The following MECOM variants were observed in gnomAD, a reference collection of about 807,000 sequenced individuals.
The protein encoded by MECOM is histone-lysine N-methyltransferase MECOM.
A neutral mutation model predicts 116.3 loss-of-function variants in MECOM; 13 were observed. That is an observed-to-expected ratio of 0.11 (90% CI 0.07 to 0.18). The LOEUF (loss-of-function observed/expected upper bound fraction) is 0.18. MECOM is among the 10% of genes least tolerant of loss of function. The pLI is 1.00. For synonymous variants in MECOM, 528 were observed against 535.2 expected (o/e 0.99, Z 0.19); for missense variants, 1,299 against 1,509.0 (o/e 0.86, Z 2.31).
chr3:169,449,632 T>G (rs1745223442), intron 1 of MECOM, among the ~76,000 whole-genome samples: 1 of 152,196 alleles, frequency 6.6e-6, no homozygotes, highest in African/African-American at 2.4e-5. Flanking sequence ...TCCCTCAGCA[T>G]TATTTCTTGT....
intron 2 of MECOM, among the ~76,000 whole-genome samples, chr3:169,261,302 T>A (rs978931337): frequency 6.6e-6 from 1 of 152,206 alleles, no homozygotes; most frequent in Admixed American, 6.5e-5. Context: ...AGCACTATAT[T>A]TATTGACTAA....
chr3:169,105,239 A>G (rs558286644), intron 10 of MECOM, among the ~76,000 whole-genome samples: 1 of 152,242 alleles, frequency 6.6e-6, no homozygotes, highest in East Asian at 1.9e-4. Context: ...ATTAAGATAA[A>G]CAGAAGTGAC....
intron 2 of MECOM, among the ~76,000 whole-genome samples, chr3:169,277,749 C>A (rs1294285784): frequency 6.6e-6 from 1 of 152,196 alleles, no homozygotes; most frequent in Non-Finnish European, 1.5e-5. Flanking sequence ...ACTGTTCTCA[C>A]AATGGCTAAT....
At chr3:169,428,288 A>C (rs1221643250) in intron 1 of MECOM, among the ~76,000 whole-genome samples, 1 of 152,212 alleles carries the variant, frequency 6.6e-6, no homozygotes, top group African/African-American at 2.4e-5. Context: ...CATGGAAGAC[A>C]ATTTTTTCAT....
intron 1 of MECOM, among the ~76,000 whole-genome samples, chr3:169,568,886 C>T (rs1168970264): frequency 6.6e-6 from 1 of 152,162 alleles, no homozygotes; most frequent in African/African-American, 2.4e-5. Flanking sequence ...CACTGAAAAA[C>T]ATACCAAATT....
chr3:169,120,820 T>C lies in MECOM; in HGVS notation c.1132+236A>G, dbSNP rs1434033738. On this transcript the variant is annotated intron_variant, in intron 7 of 16. Coordinates refer to ENST00000651503, the MANE Select transcript of MECOM (RefSeq NM_004991.4). ...CCTTTGATTATCTAATGAATTTTCT[T>C]TTCTCTACCTGTTATTGATTTCTTC... is the stretch of plus-strand genomic sequence containing the variant. 8.6e-6 allele frequency: 3 copies of C among 346,850 alleles called. No homozygotes were observed. In the East Asian group the frequency reaches 1.3e-4, roughly 16 times the overall value. 21.5% of individuals were successfully genotyped at this position (346,850 alleles called of 1,614,324 possible). A position where few individuals can be genotyped will look rare whatever the true frequency, so the allele number is the denominator to read the frequency against.
At chr3:169,374,484 A>G (rs1430506651) in intron 2 of MECOM, among the ~76,000 whole-genome samples, 4 of 151,968 alleles carry the variant, frequency 2.6e-5, no homozygotes, top group African/African-American at 9.7e-5. Context: ...CTAGGAGAAT[A>G]CACCTTTGCA....
chr3:169,471,375 AAT>A (rs202137374), intron 1 of MECOM, among the ~76,000 whole-genome samples: 1,670 of 151,806 alleles, frequency 0.011, 10 homozygotes, highest in Middle Eastern at 0.041. Context: ...AAAAAAAAAA[AAT>A]TCCTGCTTTA....
chr3:169,327,331 T>A lies in MECOM; in HGVS notation c.375+53856A>T, dbSNP rs552473680. Among the ~76,000 whole-genome samples, 7 of 152,072 alleles carry A rather than the reference T, an allele frequency of 4.6e-5. No individual in the cohort carries two copies. In the South Asian group the frequency reaches 1.5e-3, roughly 32 times the overall value. On this transcript the variant is annotated intron_variant, in intron 2 of 16. Transcript: ENST00000651503. ...AATGGATGATATTTTCTTACAGAAG[T>A]TAAAAAATAAAAATTAAAAATTAGC... is the stretch of plus-strand genomic sequence containing the variant.
intron 2 of MECOM, among the ~76,000 whole-genome samples, chr3:169,378,433 GAA>G (rs1560196361): frequency 7.6e-5 from 6 of 78,676 alleles, no homozygotes; most frequent in African/African-American, 4.3e-4. Context: ...AAGAAAGAAA[GAA>G]AGAAAGAAAG....
chr3:169,430,367 G>A lies in MECOM; in HGVS notation c.38-48843C>T, dbSNP rs902098491. 1.1e-4 allele frequency among the ~76,000 whole-genome samples: 17 copies of A among 152,032 alleles called. 1 individual carries two copies. On this transcript the variant is annotated intron_variant, in intron 1 of 16. Transcript: ENST00000651503. Reference sequence around the variant, plus strand: ...TAGATGATTTGAATTATACTGGACTGGATGACATAGTACTACATTAATAAA... The same window carrying A: ...TAGATGATTTGAATTATACTGGACTAGATGACATAGTACTACATTAATAAA...
chr3:169,500,122 A>T (rs1560360682), intron 1 of MECOM, among the ~76,000 whole-genome samples: 1 of 152,202 alleles, frequency 6.6e-6, no homozygotes, highest in East Asian at 1.9e-4. Context: ...AAGGTTTAAA[A>T]TAACTGAATA....
At chr3:169,197,837 T>C (rs545237607) in intron 2 of MECOM, among the ~76,000 whole-genome samples, 1 of 152,158 alleles carries the variant, frequency 6.6e-6, no homozygotes, top group Admixed American at 6.6e-5. Context: ...AGACTTTGCC[T>C]TCTCCCCTCA....
chr3:169,131,662 T>C lies in MECOM; in HGVS notation c.511-131A>G, dbSNP rs148017220. ...AACATCTTTTTCTTTTTCTTTTTTA[T>C]CAAAAGAAGTGTGATTTCCTGTTTT... On this transcript the variant is annotated intron_variant, in intron 3 of 16. Coordinates refer to ENST00000651503, the MANE Select transcript of MECOM (RefSeq NM_004991.4). 2.8e-4 allele frequency: 207 copies of C among 729,258 alleles called. No individual in the cohort carries two copies. The African/African-American group carries it at 3.3e-3, about 12-fold the overall frequency. 45.2% of individuals were successfully genotyped at this position (729,258 alleles called of 1,614,324 possible). A position where few individuals can be genotyped will look rare whatever the true frequency, so the allele number is the denominator to read the frequency against.
chr3:169,354,125 TC>T (rs1362902071), intron 2 of MECOM, among the ~76,000 whole-genome samples: 1 of 151,790 alleles, frequency 6.6e-6, no homozygotes, highest in Non-Finnish European at 1.5e-5. Flanking sequence ...GGAATTAATC[TC>T]AATGTAAATC....
In MECOM at chr3:169,322,997, TAA is replaced by T. The variant is rs748984561; in HGVS notation, c.375+58188_375+58189del. 6.2e-3 allele frequency among the ~76,000 whole-genome samples: 348 copies of T among 55,952 alleles called. 4 individuals are homozygous for T. The highest frequency in any genetic ancestry group is 0.062 in the East Asian group (125 of 2,012). The allele number at this position is 55,952 out of a possible 152,430, so 36.7% of individuals were successfully genotyped here. A position where few individuals can be genotyped will look rare whatever the true frequency, so the allele number is the denominator to read the frequency against. On this transcript the variant is annotated intron_variant, in intron 2 of 16. Coordinates refer to ENST00000651503, the MANE Select transcript of MECOM (RefSeq NM_004991.4). ...CCTGCATGACAGAGCAAGACTCCGG[TAA>T]AAAAAAAAAAAAAAAAAAAAAAAAA...
Position 169,084,973 on chromosome 3 carries a change from A to G in MECOM, c.3656T>C (p.Val1219Ala). Residue 1219 changes from valine to alanine, a missense_variant, in exon 17 of 17, where the codon GTG becomes GCG. Coordinates refer to ENST00000651503, the MANE Select transcript of MECOM (RefSeq NM_004991.4). ...LHSTSHSSSNVWHSMARAAAE... is the reference protein window; with the variant it reads ...LHSTSHSSSNAWHSMARAAAE... ...CGCAGCCCTGGCCATACTGTGCCAC[A>G]CGTTGGAAGAACTGTGGGATGTAGA... 6.2e-7 allele frequency: 1 copy of G among 1,614,200 alleles called. No individual in the cohort carries two copies.
At chr3:169,565,011 C>T (rs142319954) in intron 1 of MECOM, among the ~76,000 whole-genome samples, 6 of 152,286 alleles carry the variant, frequency 3.9e-5, no homozygotes, top group South Asian at 2.1e-4. Context: ...ATCTTTTATG[C>T]GCCTCTCATT....
At chr3:169,265,652 A>G (rs1285788685) in intron 2 of MECOM, among the ~76,000 whole-genome samples, 1 of 152,204 alleles carries the variant, frequency 6.6e-6, no homozygotes, top group Admixed American at 6.5e-5. Flanking sequence ...AGCACAATGG[A>G]ACACTAAAAG....
Sources: gnomAD v4.1 joint callset for allele counts (sites outside exome capture counted in the v4.1 genomes callset) on GRCh38, gnomAD v4.1.1 for gene constraint, MANE v1.5 for transcripts, NCBI Gene and HGNC (gene_info 2026-07-23, HGNC 2026-07-21) for gene names.